The following ZNF804B variants were observed in gnomAD, a reference collection of about 807,000 sequenced individuals.
ZNF804B encodes zinc finger protein 804B.
ZNF804B carries 80 observed loss-of-function variants against 101.4 expected under a neutral mutation model. The observed-to-expected ratio is 0.79, with a 90% confidence interval of 0.66 to 0.95. ZNF804B has a LOEUF of 0.95. Ranked by LOEUF, ZNF804B falls within the 40% of genes least tolerant of loss-of-function variation. ZNF804B has a pLI of 0.00. For missense variants in ZNF804B, 1,673 were observed against 1,561.9 expected, an observed-to-expected ratio of 1.07 and a Z score of -1.20; for synonymous variants, 622 against 558.8, an observed-to-expected ratio of 1.11 and a Z score of -1.59.
intron 1 of ZNF804B, among the ~76,000 whole-genome samples, chr7:88,981,134 G>A (rs1359415665): frequency 2.6e-5 from 4 of 152,144 alleles, no homozygotes; most frequent in Non-Finnish European, 5.9e-5. Context: ...GCATGGTGCT[G>A]GGTCTTACCC....
intron 1 of ZNF804B, among the ~76,000 whole-genome samples, chr7:89,047,689 C>T (rs1303034217): frequency 6.6e-6 from 1 of 152,088 alleles, no homozygotes; most frequent in East Asian, 1.9e-4. Context: ...CATGCCTCTC[C>T]ACAGGACCCA....
intron 2 of ZNF804B, among the ~76,000 whole-genome samples, chr7:89,319,981 C>T (rs965273948): frequency 4.2e-5 from 6 of 142,658 alleles, no homozygotes; most frequent in Non-Finnish European, 9.0e-5. Flanking sequence ...TTATTTGGCA[C>T]ATATAAGTCA....
At chr7:89,266,215 TG>T (rs1239651645) in intron 2 of ZNF804B, among the ~76,000 whole-genome samples, 1 of 152,130 alleles carries the variant, frequency 6.6e-6, no homozygotes, top group Non-Finnish European at 1.5e-5. Flanking sequence ...CTAACACCCC[TG>T]CTGTTGCTAT....
At chr7:89,093,514 A>G (rs1260381077) in intron 1 of ZNF804B, among the ~76,000 whole-genome samples, 1 of 152,240 alleles carries the variant, frequency 6.6e-6, no homozygotes, top group Non-Finnish European at 1.5e-5. Context: ...TTCTAGGTAT[A>G]TCAACAAATG....
At chr7:88,965,419 G>C (rs1793440257) in intron 1 of ZNF804B, among the ~76,000 whole-genome samples, 1 of 151,418 alleles carries the variant, frequency 6.6e-6, no homozygotes, top group Admixed American at 6.6e-5. Context: ...ATAGGGCTAG[G>C]AGCTATTTTT....
chr7:88,985,951 A>T (rs1793754595), intron 1 of ZNF804B, among the ~76,000 whole-genome samples: 1 of 152,132 alleles, frequency 6.6e-6, no homozygotes, highest in Non-Finnish European at 1.5e-5. Context: ...AAACTCTCAT[A>T]GTCTTTCAAA....
chr7:88,984,243 C>T (rs1793729981), intron 1 of ZNF804B, among the ~76,000 whole-genome samples: 1 of 151,952 alleles, frequency 6.6e-6, no homozygotes, highest in African/African-American at 2.4e-5. Context: ...GTAGGAGTTT[C>T]ATATAAAAGT....
chr7:89,198,895 T>C (rs908868253), intron 1 of ZNF804B, among the ~76,000 whole-genome samples: 24 of 151,826 alleles, frequency 1.6e-4, no homozygotes, highest in African/African-American at 5.8e-4. Context: ...GTAAGGAAAA[T>C]GTATGTTTAA....
chr7:89,241,452 T>G (rs559232399), intron 2 of ZNF804B, among the ~76,000 whole-genome samples: 1 of 152,218 alleles, frequency 6.6e-6, no homozygotes, highest in South Asian at 2.1e-4. Context: ...TCAGAGTCTG[T>G]CTCACTAATT....
intron 1 of ZNF804B, among the ~76,000 whole-genome samples, chr7:88,801,704 A>G (rs1790589144): frequency 6.6e-6 from 1 of 152,148 alleles, no homozygotes; most frequent in Non-Finnish European, 1.5e-5. Flanking sequence ...AAAAATTTTA[A>G]AAAAGAAACA....
In ZNF804B at chr7:89,337,186, A is replaced by G; in HGVS notation, c.*154A>G. 1.2e-6 allele frequency: 1 copy of G among 807,886 alleles called. No individual in the cohort carries two copies. The highest frequency in any genetic ancestry group is 1.7e-5 in the African/African-American group (1 of 57,796). 50.0% of individuals were successfully genotyped at this position (807,886 alleles called of 1,614,324 possible). A position where few individuals can be genotyped will look rare whatever the true frequency, so the allele number is the denominator to read the frequency against. On this transcript the variant is annotated 3_prime_UTR_variant, in exon 4 of 4. Coordinates refer to ENST00000333190, the MANE Select transcript of ZNF804B (RefSeq NM_181646.5). ...AAATATGATCTGAATTGCTAATACT[A>G]AAACAAGAGCATTTTAATAATTTTT... is the stretch of plus-strand genomic sequence containing the variant.
intron 1 of ZNF804B, among the ~76,000 whole-genome samples, chr7:89,125,923 G>A (rs1409724081): frequency 6.6e-6 from 1 of 151,992 alleles, no homozygotes; most frequent in Non-Finnish European, 1.5e-5. Flanking sequence ...AGACTGTAGG[G>A]CACTCAAGAA....
intron 1 of ZNF804B, among the ~76,000 whole-genome samples, chr7:88,997,428 T>G (rs1455171306): frequency 6.6e-6 from 1 of 152,128 alleles, no homozygotes; most frequent in Non-Finnish European, 1.5e-5. Flanking sequence ...ACTACTGTAT[T>G]TTTGTTTTAT....
Position 89,334,170 on chromosome 7 carries a change from G to T in ZNF804B, c.1188G>T (p.Lys396Asn), listed in dbSNP as rs1791034284. ...EFSSLEPSEQ[K>N]STVHLNPNSR... ...CATCACTGGAGCCAAGTGAACAAAA[G>T]AGTACAGTGCATCTGAATCCAAATT... The change falls in exon 4 of 4, where the codon AAG becomes AAT. Residue 396 changes from lysine (K) to asparagine (N), a missense_variant. Lys to Asn is a moderately conservative substitution (Grantham distance 94). Coordinates refer to ENST00000333190, the MANE Select transcript of ZNF804B (RefSeq NM_181646.5). 1.2e-6 allele frequency: 2 copies of T among 1,613,512 alleles called. No homozygotes were observed. Among genetic ancestry groups the T allele is most frequent in the African/African-American group, 1.3e-5 (1 of 75,026 alleles).
At chr7:89,100,301 T>C (rs1165488643) in intron 1 of ZNF804B, among the ~76,000 whole-genome samples, 2 of 152,092 alleles carry the variant, frequency 1.3e-5, no homozygotes, top group East Asian at 1.9e-4. Flanking sequence ...TTACCATTTA[T>C]AAAAATCAAA....
At chr7:89,284,953 C>T (rs1399923696) in intron 2 of ZNF804B, among the ~76,000 whole-genome samples, 1 of 151,972 alleles carries the variant, frequency 6.6e-6, no homozygotes, top group Admixed American at 6.6e-5. Context: ...AATCTCAGCA[C>T]TTTGAGAGGC....
At chr7:89,327,096 C>G (rs756090530) in intron 2 of ZNF804B, among the ~76,000 whole-genome samples, 1 of 145,688 alleles carries the variant, frequency 6.9e-6, no homozygotes, top group Non-Finnish European at 1.5e-5. Context: ...CAGGGTGATA[C>G]CAGCGAGGCC....
chr7:89,195,891 A>AG (rs1191898040), intron 1 of ZNF804B, among the ~76,000 whole-genome samples: 1 of 64,216 alleles, frequency 1.6e-5, no homozygotes, highest in Non-Finnish European at 3.2e-5. Context: ...ACCACTGCTC[A>AG]AAAAATCAGA....
chr7:88,990,920 C>CT (rs1391018141), intron 1 of ZNF804B, among the ~76,000 whole-genome samples: 3 of 151,900 alleles, frequency 2.0e-5, no homozygotes, highest in Admixed American at 6.6e-5. Context: ...AGTTTTGTTT[C>CT]TTTTTTAACA....
Sources: allele counts gnomAD v4.1 joint callset (sites outside exome capture counted in the v4.1 genomes callset), GRCh38; gene constraint gnomAD v4.1.1; transcripts MANE v1.5; gene names NCBI Gene and HGNC (gene_info 2026-07-23, HGNC 2026-07-21).